MAN1A1: variants seen among roughly 807,000 people sequenced by gnomAD.
The protein encoded by MAN1A1 is mannosidase alpha class 1A member 1.
In MAN1A1, 29 loss-of-function variants were observed where a neutral mutation model predicts 70.8. That is an observed-to-expected ratio of 0.41 (90% CI 0.31 to 0.56). MAN1A1 has a LOEUF of 0.56. Ranked by LOEUF, MAN1A1 falls within the 20% of genes least tolerant of loss-of-function variation. MAN1A1 has a pLI of 0.29. For missense variants in MAN1A1, 747 were observed against 841.3 expected, an observed-to-expected ratio of 0.89 and a Z score of 1.39; for synonymous variants, 349 against 330.1, an observed-to-expected ratio of 1.06 and a Z score of -0.62.
intron 4 of MAN1A1, among the ~76,000 whole-genome samples, chr6:119,291,865 C>T (rs573310579): frequency 1.4e-4 from 22 of 152,134 alleles, no homozygotes; most frequent in East Asian, 1.2e-3. Context: ...TTATTTACAA[C>T]GTGCCAGGTC....
At chr6:119,312,407 A>C (rs1772735324) in intron 2 of MAN1A1, among the ~76,000 whole-genome samples, 1 of 152,198 alleles carries the variant, frequency 6.6e-6, no homozygotes, top group Non-Finnish European at 1.5e-5. Context: ...GAACTGGAAA[A>C]CAGAACGGAG....
intron 7 of MAN1A1, among the ~76,000 whole-genome samples, chr6:119,204,069 T>C (rs1173427239): frequency 6.6e-6 from 1 of 151,524 alleles, no homozygotes; most frequent in Non-Finnish European, 1.5e-5. Flanking sequence ...ACTGGGAGAG[T>C]ATTACATGCC....
chr6:119,319,855 G>A (rs1233729461), intron 2 of MAN1A1, among the ~76,000 whole-genome samples: 1 of 152,148 alleles, frequency 6.6e-6, no homozygotes, highest in South Asian at 2.1e-4. Flanking sequence ...AGGTCAATGG[G>A]TATCTTTGCT....
chr6:119,301,538 C>T (rs1772388751), intron 4 of MAN1A1, among the ~76,000 whole-genome samples: 1 of 152,148 alleles, frequency 6.6e-6, no homozygotes, highest in Non-Finnish European at 1.5e-5. Flanking sequence ...AAAATGAATG[C>T]TGCTGCTACT....
intron 6 of MAN1A1, among the ~76,000 whole-genome samples, chr6:119,218,885 A>G (rs1460284965): frequency 1.3e-5 from 2 of 151,752 alleles, no homozygotes; most frequent in Non-Finnish European, 2.9e-5. Context: ...TTTTTTTTTA[A>G]TTAATCTTTC....
chr6:119,298,403 TAC>T (rs1772282290), intron 4 of MAN1A1, among the ~76,000 whole-genome samples: 3 of 152,164 alleles, frequency 2.0e-5, no homozygotes, highest in African/African-American at 7.2e-5. Context: ...TTTAGTTAAT[TAC>T]AGTATAAACC....
chr6:119,232,794 T>C (rs1040001291), intron 6 of MAN1A1, among the ~76,000 whole-genome samples: 1 of 152,004 alleles, frequency 6.6e-6, no homozygotes, highest in Non-Finnish European at 1.5e-5. Flanking sequence ...TGGCTGCCTA[T>C]AGCTTCTAAA....
intron 2 of MAN1A1, among the ~76,000 whole-genome samples, chr6:119,317,339 ATAG>A (rs1772881201): frequency 6.6e-6 from 1 of 152,268 alleles, no homozygotes; most frequent in African/African-American, 2.4e-5. Context: ...ATTTACTACC[ATAG>A]TATCATAGAG....
chr6:119,227,147 G>A (rs182163917), intron 6 of MAN1A1, among the ~76,000 whole-genome samples: 1 of 152,218 alleles, frequency 6.6e-6, no homozygotes, highest in East Asian at 1.9e-4. Flanking sequence ...CAAACACCAT[G>A]CTGTACCAAA....
At chr6:119,263,373 C>T (rs1415285342) in intron 5 of MAN1A1, among the ~76,000 whole-genome samples, 2 of 152,048 alleles carry the variant, frequency 1.3e-5, no homozygotes, top group Non-Finnish European at 2.9e-5. Flanking sequence ...AAGCTGGAGG[C>T]CATTATCCTA....
At chr6:119,262,927 G>T (rs1775650018) in intron 5 of MAN1A1, among the ~76,000 whole-genome samples, 1 of 152,162 alleles carries the variant, frequency 6.6e-6, no homozygotes, top group Non-Finnish European at 1.5e-5. Context: ...TCAGTGGGCT[G>T]GGGAAGGCAG....
chr6:119,346,714 C>G (rs1390953245), intron 2 of MAN1A1, among the ~76,000 whole-genome samples: 2 of 152,170 alleles, frequency 1.3e-5, no homozygotes, highest in African/African-American at 4.8e-5. Context: ...TGGTCAGTAC[C>G]AACAGCTTAA....
intron 2 of MAN1A1, among the ~76,000 whole-genome samples, chr6:119,312,522 A>C (rs922317044): frequency 5.9e-5 from 9 of 152,098 alleles, no homozygotes; most frequent in African/African-American, 2.2e-4. Flanking sequence ...AAAGACGGCA[A>C]TCTAACCACC....
At position 119,348,958 on chromosome 6, in the gene MAN1A1, G is replaced by A; in HGVS notation, c.108C>T (p.Leu36=). Residue 36 remains leucine (L), a synonymous_variant, in exon 2 of 13, where the codon CTC becomes CTT. Transcript: ENST00000368468. ...GGRKGSGPAA[L]RLTEKFVLLL... Reference sequence around the variant, plus strand: ...GCAGCACGAACTTCTCCGTCAGGCGGAGGGCGGCGGGGCCCGACCCCTTCC... The same window carrying A: ...GCAGCACGAACTTCTCCGTCAGGCGAAGGGCGGCGGGGCCCGACCCCTTCC... The A allele has an allele frequency of 6.6e-7, 1 of 1,525,420 alleles. No homozygotes were observed. Among genetic ancestry groups the A allele is most frequent in the Middle Eastern group, 1.8e-4 (1 of 5,670 alleles). 94.5% of individuals were successfully genotyped at this position (1,525,420 alleles called of 1,614,324 possible). A position where few individuals can be genotyped will look rare whatever the true frequency, so the allele number is the denominator to read the frequency against.
intron 2 of MAN1A1, among the ~76,000 whole-genome samples, chr6:119,347,198 A>G (rs959811311): frequency 1.3e-5 from 2 of 152,158 alleles, no homozygotes. Flanking sequence ...GCTTAACCAA[A>G]TTCAGCTGAT....
chr6:119,184,947 G>A (rs950487239), intron 11 of MAN1A1, among the ~76,000 whole-genome samples: 29 of 151,984 alleles, frequency 1.9e-4, no homozygotes, highest in Non-Finnish European at 3.7e-4. Flanking sequence ...GGCGTGCAGC[G>A]GTGTGATCTT....
intron 2 of MAN1A1, among the ~76,000 whole-genome samples, chr6:119,337,688 AC>A (rs1773495099): frequency 6.6e-6 from 1 of 152,214 alleles, no homozygotes; most frequent in Admixed American, 6.5e-5. Context: ...ATTTTTATTC[AC>A]CCTAACTGCT....
rs1773108870 is a variant in MAN1A1 at position 119,325,032 on chromosome 6, G to A, written c.604-18040C>T. 2.0e-5 allele frequency among the ~76,000 whole-genome samples: 3 copies of A among 152,158 alleles called. No homozygotes were observed. The East Asian group carries it at 5.8e-4, about 29-fold the overall frequency. On this transcript the variant is annotated intron_variant, in intron 2 of 12. Transcript: ENST00000368468. ...AAAACAGCCTTAGTTTAGAGCCAAT[G>A]GTTAAAGCATATTATTCAATTAAAA...
chr6:119,252,387 T>C (rs530993053), intron 5 of MAN1A1, among the ~76,000 whole-genome samples: 1 of 152,300 alleles, frequency 6.6e-6, no homozygotes, highest in South Asian at 2.1e-4. Flanking sequence ...CAAATTTGAG[T>C]GATTTTCTTA....
Sources: allele counts gnomAD v4.1 joint callset (sites outside exome capture counted in the v4.1 genomes callset), GRCh38; gene constraint gnomAD v4.1.1; transcripts MANE v1.5; gene names NCBI Gene and HGNC (gene_info 2026-07-23, HGNC 2026-07-21).